TTC39B: variants seen among roughly 807,000 people sequenced by gnomAD.
TTC39B encodes the protein tetratricopeptide repeat protein 39B.
TTC39B carries 92 observed loss-of-function variants against 96.6 expected under a neutral mutation model. The ratio of observed to expected loss-of-function variants is 0.95; its 90% CI spans 0.80 to 1.13. The LOEUF (loss-of-function observed/expected upper bound fraction) is 1.13, where lower values mean the gene tolerates loss of function less well. TTC39B is among the 50% of genes most tolerant of loss of function. The pLI is 0.00. For missense variants in TTC39B, 955 were observed against 809.3 expected, an observed-to-expected ratio of 1.18 and a Z score of -2.18; for synonymous variants, 367 against 299.4, an observed-to-expected ratio of 1.23 and a Z score of -2.33.
intron 1 of TTC39B, among the ~76,000 whole-genome samples, chr9:15,278,728 A>G (rs187013411): frequency 6.6e-6 from 1 of 152,390 alleles, no homozygotes; most frequent in East Asian, 1.9e-4. Context: ...ATAAATAATC[A>G]TAAGTTCCAT....
chr9:15,235,840 A>G (rs533621842), intron 2 of TTC39B, among the ~76,000 whole-genome samples: 1 of 152,240 alleles, frequency 6.6e-6, no homozygotes, highest in Non-Finnish European at 1.5e-5. Context: ...TGAAAGGACA[A>G]TACTCACCAT....
chr9:15,199,734 CAAAAAAAA>C (rs35361396), intron 8 of TTC39B, 119 bp downstream of exon 8: 28 of 70,654 alleles, frequency 4.0e-4, no homozygotes, highest in Admixed American at 5.0e-4. Context: ...GACTCCGTCT[CAAAAAAAA>C]AAAAAAAAAA....
intron 1 of TTC39B, among the ~76,000 whole-genome samples, chr9:15,298,076 C>T (rs1382477580): frequency 6.6e-6 from 1 of 152,186 alleles, no homozygotes; most frequent in East Asian, 1.9e-4. Context: ...AACAAGAAGA[C>T]AGAGGAAAGC....
chr9:15,285,320 T>C (rs1390325508), intron 1 of TTC39B, among the ~76,000 whole-genome samples: 1 of 152,150 alleles, frequency 6.6e-6, no homozygotes, highest in Admixed American at 6.5e-5. Context: ...TTTGTTTGTT[T>C]ACTTTCAGTC....
At chr9:15,251,700 CATATAT>C (rs57422881) in intron 2 of TTC39B, among the ~76,000 whole-genome samples, 8,569 of 98,098 alleles carry the variant, frequency 0.087, 430 homozygotes, top group Non-Finnish European at 0.12. Flanking sequence ...CATACATATA[CATATAT>C]ATATATATAT....
intron 1 of TTC39B, among the ~76,000 whole-genome samples, chr9:15,286,881 T>G (rs1326735936): frequency 1.3e-5 from 2 of 152,246 alleles, no homozygotes; most frequent in South Asian, 4.1e-4. Flanking sequence ...ATTATTTTGT[T>G]GCTCAAATTG....
chr9:15,218,206 T>C (rs907366473), intron 3 of TTC39B, among the ~76,000 whole-genome samples: 2 of 151,516 alleles, frequency 1.3e-5, no homozygotes, highest in Non-Finnish European at 2.9e-5. Context: ...CAGCATTTTT[T>C]GCAAGAGGCT....
chr9:15,220,884 C>T (rs1820805057), intron 3 of TTC39B, among the ~76,000 whole-genome samples: 2 of 152,168 alleles, frequency 1.3e-5, no homozygotes, highest in South Asian at 4.1e-4. Flanking sequence ...CCACATCACC[C>T]TGAACACACC....
intron 7 of TTC39B, among the ~76,000 whole-genome samples, chr9:15,201,613 G>A (rs140077088): frequency 4.3e-4 from 66 of 152,284 alleles, no homozygotes; most frequent in African/African-American, 1.6e-3. Flanking sequence ...ATCATGATGG[G>A]TTTGGCCATG....
chr9:15,281,542 G>A (rs1294155950), intron 1 of TTC39B, among the ~76,000 whole-genome samples: 1 of 141,326 alleles, frequency 7.1e-6, no homozygotes, highest in South Asian at 2.2e-4. Context: ...CAATCTAAGG[G>A]AGAAAAGCTT....
chr9:15,239,177 C>G (rs1365354794), intron 2 of TTC39B, among the ~76,000 whole-genome samples: 2 of 151,954 alleles, frequency 1.3e-5, no homozygotes, highest in Non-Finnish European at 2.9e-5. Flanking sequence ...CTCAACATCA[C>G]TAATCATCAG....
chr9:15,290,958 G>A (rs1453634711), intron 1 of TTC39B, among the ~76,000 whole-genome samples: 2 of 152,158 alleles, frequency 1.3e-5, no homozygotes, highest in African/African-American at 2.4e-5. Context: ...ATACGTAAAA[G>A]GAGTAATGCA....
intron 5 of TTC39B, among the ~76,000 whole-genome samples, chr9:15,210,819 T>C (rs1044952931): frequency 2.0e-5 from 3 of 148,816 alleles, no homozygotes; most frequent in Non-Finnish European, 4.4e-5. Flanking sequence ...GGTCTTCCTA[T>C]ACACACAAAG....
chr9:15,307,053 G>A, intron 1 of TTC39B, 31 bp downstream of exon 1: 5 of 1,604,820 alleles, frequency 3.1e-6, no homozygotes, highest in Non-Finnish European at 4.3e-6. Context: ...GGGCTTCAGG[G>A]GCCGGGCCCG....
intron 7 of TTC39B, among the ~76,000 whole-genome samples, chr9:15,201,895 C>A (rs1819563585): frequency 6.6e-6 from 1 of 152,094 alleles, no homozygotes; most frequent in Admixed American, 6.6e-5. Context: ...GAGAAGTGAC[C>A]AGGTCAGAGA....
chr9:15,301,110 A>G (rs16932982), intron 1 of TTC39B, among the ~76,000 whole-genome samples: 19,821 of 151,960 alleles, frequency 0.13, 2,037 homozygotes, highest in African/African-American at 0.29. Context: ...GGAGCCCAAC[A>G]CAATCCCACT....
intron 2 of TTC39B, among the ~76,000 whole-genome samples, chr9:15,234,701 C>T (rs1208559775): frequency 5.3e-5 from 8 of 151,710 alleles, no homozygotes; most frequent in Non-Finnish European, 1.0e-4. Context: ...ATTCTTCTGC[C>T]TTGGGATCCT....
chr9:15,258,778 A>G (rs1429238756), intron 2 of TTC39B, among the ~76,000 whole-genome samples: 2 of 152,204 alleles, frequency 1.3e-5, no homozygotes, highest in Admixed American at 6.5e-5. Context: ...TCAGTCTTCC[A>G]TCTCTGCTGG....
At chr9:15,260,010 T>G (rs1007173395) in intron 2 of TTC39B, among the ~76,000 whole-genome samples, 3 of 152,178 alleles carry the variant, frequency 2.0e-5, no homozygotes, top group African/African-American at 7.2e-5. Context: ...GAAGTTAGAT[T>G]GTGGTGATGG....
Sources: gnomAD v4.1 joint callset for allele counts (sites outside exome capture counted in the v4.1 genomes callset) on GRCh38, gnomAD v4.1.1 for gene constraint, MANE v1.5 for transcripts, NCBI Gene and HGNC (gene_info 2026-07-23, HGNC 2026-07-21) for gene names.